Variants in NCAPH2 observed in about 807,000 individuals in gnomAD.
NCAPH2 encodes the protein non-SMC condensin II complex subunit H2.
A neutral mutation model predicts 88.6 loss-of-function variants in NCAPH2; 56 were observed. The observed-to-expected ratio is 0.63, with a 90% CI of 0.51 to 0.79. The LOEUF (loss-of-function observed/expected upper bound fraction) is 0.79. Ranked by LOEUF, NCAPH2 falls within the 30% of genes least tolerant of loss-of-function variation. The pLI, the probability that NCAPH2 is intolerant of heterozygous loss-of-function variation, is 0.00. For missense variants in NCAPH2, 794 were observed against 792.0 expected (o/e 1.00, Z -0.03); for synonymous variants, 378 against 313.6 (o/e 1.21, Z -2.17).
intron 1 of NCAPH2, among the ~76,000 whole-genome samples, chr22:50,514,613 T>C (rs1193544697): frequency 2.0e-5 from 3 of 152,190 alleles, no homozygotes; most frequent in Non-Finnish European, 4.4e-5. Context: ...TGAGGGTCAC[T>C]GGAGAGAAGG....
chr22:50,522,066 A>G (rs778387671), intron 13 of NCAPH2, 27 bp downstream of exon 13: 11 of 1,613,822 alleles, frequency 6.8e-6, no homozygotes, highest in East Asian at 4.5e-5. Context: ...CGGGGAAGAC[A>G]GTTTTACTCT....
At chr22:50,510,157 G>C (rs981516020) in intron 1 of NCAPH2, among the ~76,000 whole-genome samples, 1 of 152,070 alleles carries the variant, frequency 6.6e-6, no homozygotes, top group Admixed American at 6.6e-5. Context: ...TCCTGACCTC[G>C]TGATCCGCCT....
intron 9 of NCAPH2, 64 bp downstream of exon 9, chr22:50,519,384 G>T: frequency 6.3e-7 from 1 of 1,593,810 alleles, no homozygotes; most frequent in South Asian, 1.1e-5. Flanking sequence ...CTCTGGGGCC[G>T]AGTCACCTTG....
chr22:50,508,578 C>G (rs1242433165), intron 1 of NCAPH2, 133 bp downstream of exon 1: 3 of 544,592 alleles, frequency 5.5e-6, no homozygotes, highest in Non-Finnish European at 9.0e-6. Flanking sequence ...CGCGCAGGTC[C>G]TCGGGCTCCC....
At chr22:50,517,943 C>T (rs768852820) in intron 5 of NCAPH2, 30 bp from the exon 6 acceptor site, 6 of 1,608,356 alleles carry the variant, frequency 3.7e-6, no homozygotes, top group Non-Finnish European at 5.1e-6. Flanking sequence ...GGAAGGGTGC[C>T]TGGCTCACCC....
intron 1 of NCAPH2, among the ~76,000 whole-genome samples, chr22:50,509,853 G>A (rs576496747): frequency 1.3e-5 from 2 of 151,662 alleles, no homozygotes; most frequent in Non-Finnish European, 2.9e-5. Flanking sequence ...TCAACCTATG[G>A]CCCCTCCAAG....
intron 7 of NCAPH2, 49 bp downstream of exon 7, chr22:50,518,327 C>T: frequency 1.3e-6 from 2 of 1,593,472 alleles, no homozygotes; most frequent in East Asian, 2.2e-5. Context: ...GGAGGGTCTT[C>T]TGGTTGGACT....
intron 9 of NCAPH2, 91 bp from the exon 10 acceptor site, chr22:50,520,874 C>T: frequency 6.9e-7 from 1 of 1,447,248 alleles, no homozygotes; most frequent in African/African-American, 1.4e-5. Context: ...TTGTAGGGTT[C>T]TTGATGTTAA....
At chr22:50,521,666 TGAGGTG>T in intron 11 of NCAPH2, 57 bp downstream of exon 11, 1 of 1,607,002 alleles carries the variant, frequency 6.2e-7, no homozygotes, top group Non-Finnish European at 8.5e-7. Context: ...TCCTGGGGCA[TGAGGTG>T]GGGGGGTGGG....
intron 1 of NCAPH2, among the ~76,000 whole-genome samples, chr22:50,512,763 C>T (rs940786220): frequency 2.6e-5 from 4 of 152,094 alleles, no homozygotes; most frequent in Non-Finnish European, 4.4e-5. Context: ...CCAGGCTGTT[C>T]TCAAACTCCC....
Position 50,522,567 on chromosome 22 carries a change from T to A in NCAPH2, c.1373T>A (p.Leu458His), listed in dbSNP as rs780255022. The A allele has an allele frequency of 5.6e-6, 9 of 1,613,454 alleles. No homozygotes were observed. Among genetic ancestry groups the A allele is most frequent in the Non-Finnish European group, 7.6e-6 (9 of 1,179,918 alleles). ...GCAGACCCCAGGGAAGCCGCTGACC[T>A]TGGTAGGTGGGCAGCGGGCTAGGAG... is the stretch of plus-strand genomic sequence containing the variant. ...EGADPREAAD[L>H]DAVPMSLSYE... The change falls in exon 16 of 20, where the codon CTT becomes CAT. Residue 458 changes from leucine to histidine, a missense_variant and splice_region_variant. This residue lies in a region of NCAPH2 where 735 missense variants were observed against 696.3 expected (regional missense o/e 1.06). Transcript: ENST00000420993.
Position 50,522,422 on chromosome 22 carries a change from G to A in NCAPH2, c.1306+7G>A, listed in dbSNP as rs201393640. Reference sequence around the variant, plus strand: ...GAAGACCTGGGGGCAGCAGGTGGGTGCCTGCCAGGGGGTGGGGTGGGGCTT... The same window carrying A: ...GAAGACCTGGGGGCAGCAGGTGGGTACCTGCCAGGGGGTGGGGTGGGGCTT... On this transcript the variant is annotated splice_region_variant and intron_variant, in intron 15 of 19. Coordinates refer to ENST00000420993, the MANE Select transcript of NCAPH2 (RefSeq NM_152299.4). 111 of 1,611,688 alleles carry A rather than the reference G, an allele frequency of 6.9e-5. No individual in the cohort carries two copies. In the East Asian group the frequency reaches 1.3e-3, roughly 19 times the overall value.
Position 50,523,582 on chromosome 22 carries a change from T to C in NCAPH2, c.*207T>C, listed in dbSNP as rs2069182922. 6.2e-7 allele frequency: 1 copy of C among 1,611,128 alleles called. No homozygotes were observed. The highest frequency in any genetic ancestry group is 1.3e-5 in the African/African-American group (1 of 74,852). ...ACACACACAGATTAAACGCAGCCCG[T>C]TTAATGATGGGGCCCAGACTGCAGT... On this transcript the variant is annotated 3_prime_UTR_variant, in exon 20 of 20. Transcript: ENST00000420993.
rs2069144779 is a variant in NCAPH2, at chr22:50,522,697, G to A, written c.1402G>A (p.Glu468Lys). ...CGCAGTGCCGATGTCCCTGAGCTACGAGGAGCTGGTTCGAAGGAATGTGGT... is the reference window on the plus strand; with the variant it reads ...CGCAGTGCCGATGTCCCTGAGCTACAAGGAGCTGGTTCGAAGGAATGTGGT... ...LDAVPMSLSY[E>K]ELVRRNVELF... The change falls in exon 17 of 20, where the codon GAG becomes AAG. Residue 468 changes from glutamate to lysine, a missense_variant. Glu to Lys is a moderately conservative substitution (Grantham distance 56). Coordinates refer to ENST00000420993, the MANE Select transcript of NCAPH2 (RefSeq NM_152299.4). The A allele has an allele frequency of 1.2e-6, 2 of 1,613,668 alleles. No individual in the cohort carries two copies. Among genetic ancestry groups the A allele is most frequent in the Non-Finnish European group, 8.5e-7 (1 of 1,179,998 alleles).
chr22:50,517,581 G>A lies in NCAPH2; in HGVS notation c.271G>A (p.Ala91Thr). Residue 91 changes from alanine to threonine, a missense_variant, in exon 4 of 20, where the codon GCC becomes ACC. Ala to Thr is a moderately conservative substitution (Grantham distance 58, BLOSUM62 0). Around this residue, in one of 2 missense-constraint regions of NCAPH2, gnomAD observed 735 missense variants for 696.3 expected, o/e 1.06. Coordinates refer to ENST00000420993, the MANE Select transcript of NCAPH2 (RefSeq NM_152299.4). ...ALDFISGKRRAKQLSSVQEDR... is the reference protein window; with the variant it reads ...ALDFISGKRRTKQLSSVQEDR... ...CGGGATGTGCTTCTCTCTCAGGCGG[G>A]CCAAGCAGCTCTCTTCGGTGCAGGA... 1 of 1,614,052 alleles carries A rather than the reference G, an allele frequency of 6.2e-7. No homozygotes were observed. Among genetic ancestry groups the A allele is most frequent in the Non-Finnish European group, 8.5e-7 (1 of 1,180,028 alleles).
intron 9 of NCAPH2, chr22:50,519,767 A>G: frequency 1.0e-6 from 1 of 994,466 alleles, no homozygotes; most frequent in African/African-American, 1.7e-5. Context: ...TACAGAGGAA[A>G]TGTTAACGTT....
rs1487146394 is a variant in NCAPH2, at chr22:50,511,427, C to A, written c.108+2982C>A. The stretch of plus-strand genomic sequence containing the variant: ...GCCTCAGCCTCCCGAGTAGCTGGGA[C>A]TACTGGCACCCGCCACCACGCCCGG... On this transcript the variant is annotated intron_variant, in intron 1 of 19. Coordinates refer to ENST00000420993, the MANE Select transcript of NCAPH2 (RefSeq NM_152299.4). Among the ~76,000 whole-genome samples, 2 of 135,568 alleles carry A rather than the reference C, an allele frequency of 1.5e-5. 1 individual carries two copies. The highest frequency in any genetic ancestry group is 7.2e-5 in the African/African-American group (2 of 27,774). The allele number at this position is 135,568 out of a possible 152,430, so 88.9% of individuals were successfully genotyped here. A position where few individuals can be genotyped will look rare whatever the true frequency, so the allele number is the denominator to read the frequency against.
At position 50,521,410 on chromosome 22, in the gene NCAPH2, C is replaced by T. The variant is rs1303729093; in HGVS notation, c.934-133C>T. The T allele has an allele frequency of 4.8e-5, 44 of 925,342 alleles. 2 individuals are homozygous for T. In the South Asian group the frequency reaches 5.4e-4, roughly 11 times the overall value. The allele number at this position is 925,342 out of a possible 1,614,324, so 57.3% of individuals were successfully genotyped here. On this transcript the variant is annotated intron_variant, in intron 10 of 19. Coordinates refer to ENST00000420993, the MANE Select transcript of NCAPH2 (RefSeq NM_152299.4). The stretch of plus-strand genomic sequence containing the variant: ...TGGGAGGGTGGCTGTGCACCCCCTA[C>T]TCCTCCTTTGGGAGCGCGGCTGTGT...
chr22:50,523,031 C>G lies in NCAPH2; in HGVS notation c.1542C>G (p.Pro514=), dbSNP rs1199896039. The change falls in exon 19 of 20, where the codon CCC becomes CCG. Residue 514 remains proline (P), a synonymous_variant. Coordinates refer to ENST00000420993, the MANE Select transcript of NCAPH2 (RefSeq NM_152299.4). ...CCCCTGTGCAGGAGCAGCATGTGCCCTTTGACATCCACACCTATGGGGACC... is the reference window on the plus strand; with the variant it reads ...CCCCTGTGCAGGAGCAGCATGTGCCGTTTGACATCCACACCTATGGGGACC... The part of the protein sequence containing the change: ...PLLQEQEQHV[P]FDIHTYGDQL... 1 of 1,601,064 alleles carries G rather than the reference C, an allele frequency of 6.2e-7. No individual in the cohort carries two copies. Among genetic ancestry groups the G allele is most frequent in the East Asian group, 2.2e-5 (1 of 44,648 alleles).
Sources: gnomAD v4.1 joint callset for allele counts (sites outside exome capture counted in the v4.1 genomes callset) on GRCh38, gnomAD v4.1.1 for gene constraint, gnomAD v4.1.1 regional missense constraint, MANE v1.5 for transcripts, NCBI Gene and HGNC (gene_info 2026-07-23, HGNC 2026-07-21) for gene names.